GRID2: variants seen among roughly 807,000 people sequenced by gnomAD.
The protein encoded by GRID2 is glutamate ionotropic receptor delta type subunit 2.
Under a neutral mutation model 114.8 loss-of-function variants are expected in GRID2, and 33 were observed. The observed-to-expected ratio is 0.29, with a 90% CI of 0.22 to 0.38. The LOEUF is 0.38. GRID2 is among the 10% of genes least tolerant of loss of function. GRID2 has a pLI of 1.00. For synonymous variants in GRID2, 505 were observed against 449.9 expected, an observed-to-expected ratio of 1.12 and a Z score of -1.55; for missense variants, 1,184 against 1,257.7, an observed-to-expected ratio of 0.94 and a Z score of 0.89.
intron 2 of GRID2, among the ~76,000 whole-genome samples, chr4:92,769,431 T>G (rs1379110466): frequency 2.0e-5 from 3 of 152,188 alleles, no homozygotes; most frequent in African/African-American, 7.2e-5. Context: ...TTTTGGGGTC[T>G]GGAGTATGGT....
intron 2 of GRID2, among the ~76,000 whole-genome samples, chr4:92,743,697 G>A (rs1737007493): frequency 6.6e-6 from 1 of 152,138 alleles, no homozygotes; most frequent in East Asian, 1.9e-4. Flanking sequence ...TGTACAAATG[G>A]AGGGCTGCAT....
intron 1 of GRID2, among the ~76,000 whole-genome samples, chr4:92,346,540 G>GT (rs1038360557): frequency 6.6e-6 from 1 of 151,832 alleles, no homozygotes; most frequent in African/African-American, 2.4e-5. Context: ...CAATTTTTGT[G>GT]TTTTTCTGTG....
chr4:93,458,682 A>G (rs1403276340), intron 11 of GRID2, among the ~76,000 whole-genome samples: 1 of 152,230 alleles, frequency 6.6e-6, no homozygotes, highest in Non-Finnish European at 1.5e-5. Context: ...GATATAACTT[A>G]TATAAGTGTC....
chr4:93,504,016 C>A (rs1201220398), intron 12 of GRID2, among the ~76,000 whole-genome samples: 3 of 152,034 alleles, frequency 2.0e-5, no homozygotes, highest in African/African-American at 7.2e-5. Context: ...CTGTGACCTT[C>A]TACCTTACTT....
intron 2 of GRID2, among the ~76,000 whole-genome samples, chr4:93,054,111 G>A (rs1358670851): frequency 2.6e-5 from 4 of 151,614 alleles, no homozygotes; most frequent in African/African-American, 4.8e-5. Context: ...TTTATTAATG[G>A]CCTCAAATTG....
intron 12 of GRID2, 57 bp from the exon 13 acceptor site, chr4:93,515,159 A>G: frequency 1.4e-6 from 1 of 703,048 alleles, no homozygotes; most frequent in Non-Finnish European, 2.2e-6. Flanking sequence ...CTTTATTCCC[A>G]CTTGAAAATA....
chr4:92,895,237 G>A (rs1747074313), intron 2 of GRID2, among the ~76,000 whole-genome samples: 1 of 151,496 alleles, frequency 6.6e-6, no homozygotes, highest in African/African-American at 2.4e-5. Context: ...TTTGAAGATG[G>A]CAAAACAAGG....
chr4:92,411,335 T>C (rs1223009050), intron 1 of GRID2, among the ~76,000 whole-genome samples: 1 of 152,088 alleles, frequency 6.6e-6, no homozygotes, highest in Non-Finnish European at 1.5e-5. Flanking sequence ...TATTATTTGC[T>C]TCATATTTAC....
chr4:92,707,810 G>A (rs554304418), intron 2 of GRID2, among the ~76,000 whole-genome samples: 2 of 152,302 alleles, frequency 1.3e-5, no homozygotes, highest in African/African-American at 4.8e-5. Context: ...AAGGAAGTTC[G>A]ACTGTGTTGT....
chr4:92,714,723 C>T (rs1735447157), intron 2 of GRID2, among the ~76,000 whole-genome samples: 1 of 152,190 alleles, frequency 6.6e-6, no homozygotes, highest in South Asian at 2.1e-4. Context: ...AAGCCACAAG[C>T]CACAGCTTGA....
intron 2 of GRID2, among the ~76,000 whole-genome samples, chr4:92,921,751 G>T (rs1052439964): frequency 1.3e-5 from 2 of 152,160 alleles, no homozygotes; most frequent in African/African-American, 4.8e-5. Context: ...GTGTCAGTCT[G>T]CCCCTACTGG....
At chr4:92,451,297 T>C (rs879631344) in intron 1 of GRID2, among the ~76,000 whole-genome samples, 1 of 152,296 alleles carries the variant, frequency 6.6e-6, no homozygotes, top group African/African-American at 2.4e-5. Context: ...ATTCTAAATA[T>C]TAGTGATATT....
chr4:92,570,145 G>A (rs1169016101), intron 1 of GRID2, among the ~76,000 whole-genome samples: 1 of 152,102 alleles, frequency 6.6e-6, no homozygotes, highest in Non-Finnish European at 1.5e-5. Context: ...TGTGGTGTAA[G>A]GAAGGGGTCC....
intron 2 of GRID2, among the ~76,000 whole-genome samples, chr4:92,886,815 C>A (rs1313543953): frequency 6.6e-6 from 1 of 151,874 alleles, no homozygotes; most frequent in African/African-American, 2.4e-5. Context: ...TTAGTAGAGA[C>A]GGGGTTTCAC....
chr4:93,553,331 G>A (rs967690188), intron 13 of GRID2, among the ~76,000 whole-genome samples: 2 of 152,168 alleles, frequency 1.3e-5, no homozygotes, highest in Non-Finnish European at 1.5e-5. Flanking sequence ...TCTAACTGGT[G>A]AGAGGTGGTA....
intron 14 of GRID2, among the ~76,000 whole-genome samples, chr4:93,677,550 C>A (rs1209213865): frequency 6.6e-6 from 1 of 152,136 alleles, no homozygotes. Flanking sequence ...CAGACTGACA[C>A]CTCGCACGGC....
At chr4:93,576,873 G>C (rs1333625200) in intron 13 of GRID2, among the ~76,000 whole-genome samples, 1 of 152,012 alleles carries the variant, frequency 6.6e-6, no homozygotes, top group African/African-American at 2.4e-5. Flanking sequence ...AGGTAAAAAA[G>C]GGTGAAGAAA....
chr4:92,591,862 TATA>T (rs538242138), intron 2 of GRID2, among the ~76,000 whole-genome samples: 196 of 152,188 alleles, frequency 1.3e-3, no homozygotes, highest in Admixed American at 3.6e-3. Context: ...TAATAATGTT[TATA>T]ATAATACAAT....
At chr4:93,108,624 AT>A (rs66780792) in intron 3 of GRID2, among the ~76,000 whole-genome samples, 47,893 of 142,622 alleles carry the variant, frequency 0.34, 8,385 homozygotes, top group Admixed American at 0.51. Flanking sequence ...TCTGACATGT[AT>A]TTTTTTTTTC....
Sources: gnomAD v4.1 joint callset for allele counts (sites outside exome capture counted in the v4.1 genomes callset) on GRCh38, gnomAD v4.1.1 for gene constraint, MANE v1.5 for transcripts, NCBI Gene and HGNC (gene_info 2026-07-23, HGNC 2026-07-21) for gene names.